ARHGEF10: variants seen among roughly 807,000 people sequenced by gnomAD.
ARHGEF10 encodes Rho guanine nucleotide exchange factor (GEF) 10.
A neutral mutation model predicts 147.4 loss-of-function variants in ARHGEF10; 140 were observed. The observed-to-expected ratio is 0.95, with a 90% confidence interval of 0.83 to 1.09. The LOEUF is 1.09. ARHGEF10 is among the 50% of genes least tolerant of loss of function. ARHGEF10 has a pLI of 0.00. For missense variants in ARHGEF10, 2,222 were observed against 1,752.7 expected (o/e 1.27, Z -4.78); for synonymous variants, 902 against 695.8 (o/e 1.30, Z -4.67).
At chr8:1,873,000 A>G (rs1288535291) in intron 7 of ARHGEF10, among the ~76,000 whole-genome samples, 1 of 152,222 alleles carries the variant, frequency 6.6e-6, no homozygotes, top group African/African-American at 2.4e-5. Context: ...CGCTTCGGGC[A>G]TTCCTCGCGG....
In ARHGEF10 at chr8:1,849,893, T is replaced by C. The variant is rs1172824695; in HGVS notation, c.37+6457T>C. Among the ~76,000 whole-genome samples the C allele has an allele frequency of 2.0e-3, 151 of 76,914 alleles. 2 individuals are homozygous for C. Among genetic ancestry groups the C allele is most frequent in the African/African-American group, 6.2e-3 (98 of 15,804 alleles). The allele number at this position is 76,914 out of a possible 152,430, so 50.5% of individuals were successfully genotyped here. The stretch of plus-strand genomic sequence containing the variant: ...TGCTGAGGAGGGCGTGGGGCGACCA[T>C]GTGGACACAGAGGGCAAATGCTGAG... On this transcript the variant is annotated intron_variant, in intron 2 of 28. Coordinates refer to ENST00000349830, the MANE Select transcript of ARHGEF10 (RefSeq NM_014629.4).
At chr8:1,949,227 G>T (rs1255390424) in intron 27 of ARHGEF10, among the ~76,000 whole-genome samples, 1 of 152,140 alleles carries the variant, frequency 6.6e-6, no homozygotes, top group Non-Finnish European at 1.5e-5. Flanking sequence ...CAGGGTCTCA[G>T]CACGCTGGCC....
Position 1,886,622 on chromosome 8 carries a change from T to A in ARHGEF10, c.1182+915T>A, listed in dbSNP as rs1442273474. 3.3e-5 allele frequency among the ~76,000 whole-genome samples: 5 copies of A among 152,158 alleles called. No individual in the cohort carries two copies. In the East Asian group the frequency reaches 9.7e-4, roughly 29 times the overall value. ...GCATCACACGAGTGACGGGATGGAG[T>A]GTCAACAGAGCTTGGAGACAGTTGT... On this transcript the variant is annotated intron_variant, in intron 11 of 28. Transcript: ENST00000349830.
In ARHGEF10 at chr8:1,881,735, T is replaced by C. The variant is rs996596089; in HGVS notation, c.961-900T>C. 5.9e-5 allele frequency among the ~76,000 whole-genome samples: 9 copies of C among 152,208 alleles called. No individual in the cohort carries two copies. The East Asian group carries it at 7.7e-4, about 13-fold the overall frequency. On this transcript the variant is annotated intron_variant, in intron 9 of 28. Coordinates refer to ENST00000349830, the MANE Select transcript of ARHGEF10 (RefSeq NM_014629.4). The stretch of plus-strand genomic sequence containing the variant: ...GACACGGCCAGGGCTACAGCGACGC[T>C]GTCTGCACGCTGGTGCCCAGCAGCC...
At chr8:1,924,914 A>G (rs1025847063) in intron 21 of ARHGEF10, among the ~76,000 whole-genome samples, 2 of 152,188 alleles carry the variant, frequency 1.3e-5, no homozygotes, top group African/African-American at 4.8e-5. Context: ...TTCTCAGTAC[A>G]TCTCTGGTAT....
chr8:1,909,215 C>G, intron 17 of ARHGEF10, 80 bp from the exon 18 acceptor site: 2 of 1,589,624 alleles, frequency 1.3e-6, no homozygotes, highest in South Asian at 2.2e-5. Context: ...AAGTTTCTCA[C>G]TTGAACATCT....
chr8:1,955,888 C>G (rs979366544), intron 28 of ARHGEF10, among the ~76,000 whole-genome samples: 1 of 152,248 alleles, frequency 6.6e-6, no homozygotes, highest in Non-Finnish European at 1.5e-5. Context: ...GCGGGCCTGT[C>G]CCTGCACAGT....
At chr8:1,891,171 G>T (rs1313591830) in intron 11 of ARHGEF10, among the ~76,000 whole-genome samples, 1 of 152,180 alleles carries the variant, frequency 6.6e-6, no homozygotes, top group Non-Finnish European at 1.5e-5. Context: ...ATTACGATTA[G>T]AAACTTAGCA....
chr8:1,895,875 C>T (rs561323102), intron 13 of ARHGEF10, among the ~76,000 whole-genome samples: 153 of 151,940 alleles, frequency 1.0e-3, no homozygotes, highest in Non-Finnish European at 1.7e-3. Context: ...TTGTATGTTA[C>T]GCCAGAGAAG....
Position 1,957,597 on chromosome 8 carries a change from C to G in ARHGEF10, c.*334C>G, listed in dbSNP as rs1466606663. On this transcript the variant is annotated 3_prime_UTR_variant, in exon 29 of 29. Coordinates refer to ENST00000349830, the MANE Select transcript of ARHGEF10 (RefSeq NM_014629.4). ...AATGTTAAACTTCATCAGCGTCAGA[C>G]CTATTGTATCATATTAGAGAATTTG... The G allele has an allele frequency of 2.8e-6, 1 of 356,214 alleles. No individual in the cohort carries two copies. Among genetic ancestry groups the G allele is most frequent in the East Asian group, 5.7e-5 (1 of 17,544 alleles). The allele number at this position is 356,214 out of a possible 1,614,324, so 22.1% of individuals were successfully genotyped here.
intron 7 of ARHGEF10, 51 bp downstream of exon 7, chr8:1,869,301 C>G: frequency 6.7e-7 from 1 of 1,499,410 alleles, no homozygotes; most frequent in South Asian, 1.1e-5. Context: ...AGCAGCCTTT[C>G]CCTCTGGATG....
chr8:1,888,344 A>ACTGAGTGGGGTGAGGGTTGCGAGGAGACC (rs1808964743), intron 11 of ARHGEF10, among the ~76,000 whole-genome samples: 3 of 70,224 alleles, frequency 4.3e-5, no homozygotes, highest in African/African-American at 1.7e-4. Flanking sequence ...GTGAGGAGAC[A>ACTGAGTGGGGTGAGGGTTGCGAGGAGACC]CTGAGTGGGG....
intron 13 of ARHGEF10, among the ~76,000 whole-genome samples, chr8:1,895,700 A>T (rs1809914357): frequency 6.6e-6 from 1 of 152,214 alleles, no homozygotes; most frequent in Non-Finnish European, 1.5e-5. Context: ...TCCTGCTATC[A>T]ATGCCAGTCA....
intron 26 of ARHGEF10, among the ~76,000 whole-genome samples, chr8:1,935,913 T>C (rs574242135): frequency 6.6e-6 from 1 of 152,340 alleles, no homozygotes; most frequent in African/African-American, 2.4e-5. Context: ...CGGAACACTG[T>C]CCGAGCTCAC....
At position 1,933,788 on chromosome 8, in the gene ARHGEF10, T is replaced by C; in HGVS notation, c.3080-12T>C. The stretch of plus-strand genomic sequence containing the variant: ...AACTGAACTTGAATGAAATGAAATA[T>C]TTTCTTTTAAGATGGATCCTGGGAT... On this transcript the variant is annotated splice_polypyrimidine_tract_variant and intron_variant, in intron 25 of 28. Coordinates refer to ENST00000349830, the MANE Select transcript of ARHGEF10 (RefSeq NM_014629.4). The C allele has an allele frequency of 6.2e-7, 1 of 1,614,152 alleles. No individual in the cohort carries two copies. The highest frequency in any genetic ancestry group is 8.5e-7 in the Non-Finnish European group (1 of 1,180,014).
intron 28 of ARHGEF10, among the ~76,000 whole-genome samples, chr8:1,954,029 T>C (rs1177787026): frequency 6.6e-6 from 1 of 152,188 alleles, no homozygotes; most frequent in East Asian, 1.9e-4. Flanking sequence ...ATGTTTTTAT[T>C]ATGATATATG....
At chr8:1,914,674 T>C (rs527712506) in intron 18 of ARHGEF10, among the ~76,000 whole-genome samples, 1 of 152,342 alleles carries the variant, frequency 6.6e-6, no homozygotes, top group Non-Finnish European at 1.5e-5. Flanking sequence ...CTGTGCTCCA[T>C]TGCTGTGGGA....
chr8:1,934,548 G>A (rs1436964438), intron 26 of ARHGEF10, among the ~76,000 whole-genome samples: 1 of 152,122 alleles, frequency 6.6e-6, no homozygotes, highest in Non-Finnish European at 1.5e-5. Flanking sequence ...CAGGACTTAG[G>A]GAAAATTTGC....
chr8:1,908,324 G>A (rs897472355), intron 17 of ARHGEF10, among the ~76,000 whole-genome samples: 8 of 147,632 alleles, frequency 5.4e-5, no homozygotes, highest in African/African-American at 1.3e-4. Flanking sequence ...TCTGCCTCCC[G>A]GGTTCACGCC....
Sources: gnomAD v4.1 joint callset for allele counts (sites outside exome capture counted in the v4.1 genomes callset) on GRCh38, gnomAD v4.1.1 for gene constraint, MANE v1.5 for transcripts, NCBI Gene and HGNC (gene_info 2026-07-23, HGNC 2026-07-21) for gene names.